LRP5: variants seen among roughly 807,000 people sequenced by gnomAD.
The protein encoded by LRP5 is LDL receptor related protein 5.
A neutral mutation model predicts 154.1 loss-of-function variants in LRP5; 62 were observed. The ratio of observed to expected loss-of-function variants is 0.40; its 90% CI spans 0.33 to 0.50. The LOEUF (loss-of-function observed/expected upper bound fraction) is 0.50, where lower values mean the gene tolerates loss of function less well. Among genes scored for constraint, LRP5 ranks in the 20% least tolerant of loss-of-function variants. LRP5 has a pLI of 0.55. For missense variants in LRP5, 1,915 were observed against 2,336.7 expected, an observed-to-expected ratio of 0.82 and a Z score of 3.72; for synonymous variants, 966 against 1,011.5, an observed-to-expected ratio of 0.96 and a Z score of 0.85.
At chr11:68,429,997 G>C (rs2098671032) in intron 17 of LRP5, among the ~76,000 whole-genome samples, 2 of 152,174 alleles carry the variant, frequency 1.3e-5, no homozygotes, top group South Asian at 4.1e-4. Context: ...GTGTTATTTA[G>C]AAGTGTTGCT....
intron 3 of LRP5, among the ~76,000 whole-genome samples, chr11:68,363,494 TAA>T (rs777079220): frequency 1.3e-5 from 2 of 151,962 alleles, no homozygotes; most frequent in Non-Finnish European, 2.9e-5. Context: ...CTGTCTCTAC[TAA>T]AAATACAAAA....
intron 8 of LRP5, 122 bp downstream of exon 8, chr11:68,403,821 C>A: frequency 2.6e-6 from 3 of 1,171,684 alleles, no homozygotes; most frequent in Non-Finnish European, 3.7e-6. Flanking sequence ...AAGGGCAGGA[C>A]AGGAAAGGTG....
At chr11:68,347,096 G>T (rs60487218) in intron 1 of LRP5, among the ~76,000 whole-genome samples, 1,823 of 152,320 alleles carry the variant, frequency 0.012, 37 homozygotes, top group African/African-American at 0.04. Flanking sequence ...GTGGAGAGAA[G>T]TGTAGGTGAG....
chr11:68,325,124 C>CAAGG (rs1350634604), intron 1 of LRP5, among the ~76,000 whole-genome samples: 1 of 152,204 alleles, frequency 6.6e-6, no homozygotes, highest in Non-Finnish European at 1.5e-5. Flanking sequence ...AGCCCCTGAC[C>CAAGG]AAGGCCCTTC....
At chr11:68,318,167 G>C (rs1292481816) in intron 1 of LRP5, among the ~76,000 whole-genome samples, 1 of 151,040 alleles carries the variant, frequency 6.6e-6, no homozygotes, top group East Asian at 1.9e-4. Context: ...CCTTTCTCCT[G>C]CCTCAGCCTC....
Position 68,363,952 on chromosome 11 carries a change from C to A in LRP5, c.883+9C>A. On this transcript the variant is annotated intron_variant, in intron 4 of 22. Transcript: ENST00000294304. ...GGAGCGGCAGCCTTTCTGTGAGTGC[C>A]GGCTGGGGCGCGGGGGCGAGGGTGC... The A allele has an allele frequency of 7.1e-7, 1 of 1,415,176 alleles. No individual in the cohort carries two copies. Among genetic ancestry groups the A allele is most frequent in the South Asian group, 1.2e-5 (1 of 86,666 alleles). The allele number at this position is 1,415,176 out of a possible 1,614,324, so 87.7% of individuals were successfully genotyped here.
the LRP5 span, among the ~76,000 whole-genome samples, chr11:68,298,591 T>C: frequency 6.6e-6 from 1 of 152,196 alleles, no homozygotes; most frequent in African/African-American, 2.4e-5. Flanking sequence ...ACTGCGCCAA[T>C]GCCCCGGCAT....
At chr11:68,336,937 C>T (rs1203760268) in intron 1 of LRP5, among the ~76,000 whole-genome samples, 1 of 152,244 alleles carries the variant, frequency 6.6e-6, no homozygotes, top group African/African-American at 2.4e-5. Context: ...ACTTTCTTGA[C>T]CACAAACAAT....
chr11:68,448,775 C>A (rs1463841170), intron 22 of LRP5, 34 bp from the exon 23 acceptor site: 1 of 1,600,300 alleles, frequency 6.2e-7, no homozygotes, highest in Non-Finnish European at 8.5e-7. Context: ...GATGTGCCTA[C>A]CGAATCCCAC....
chr11:68,352,416 A>G (rs1490159223), intron 2 of LRP5, among the ~76,000 whole-genome samples: 1 of 152,244 alleles, frequency 6.6e-6, no homozygotes, highest in African/African-American at 2.4e-5. Context: ...AGCTGTCGTT[A>G]TAATAAAAAT....
intron 3 of LRP5, among the ~76,000 whole-genome samples, chr11:68,358,507 G>T: frequency 6.6e-6 from 1 of 152,146 alleles, no homozygotes; most frequent in East Asian, 1.9e-4. Flanking sequence ...AGGGCTTATG[G>T]CCCGGCAGGG....
intron 7 of LRP5, among the ~76,000 whole-genome samples, chr11:68,392,143 G>A (rs932298870): frequency 1.5e-4 from 23 of 152,154 alleles, no homozygotes; most frequent in African/African-American, 4.1e-4. Flanking sequence ...GCCGTCACAC[G>A]CAGCTCAATG....
intron 5 of LRP5, among the ~76,000 whole-genome samples, chr11:68,367,001 T>TGGGGGG (rs2098631459): frequency 1.4e-4 from 1 of 7,178 alleles, no homozygotes; most frequent in Non-Finnish European, 2.7e-4. Flanking sequence ...GCTCTGGGGC[T>TGGGGGG]GGGTGGGTGG....
chr11:68,388,064 G>A (rs941967544), intron 6 of LRP5, among the ~76,000 whole-genome samples: 3 of 152,070 alleles, frequency 2.0e-5, no homozygotes, highest in Admixed American at 6.6e-5. Context: ...CAGGCAGCGG[G>A]AGCACAGCAG....
chr11:68,397,508 G>A (rs1312863656), intron 7 of LRP5, among the ~76,000 whole-genome samples: 1 of 152,152 alleles, frequency 6.6e-6, no homozygotes, highest in Non-Finnish European at 1.5e-5. Context: ...CCATGGTGGG[G>A]ACATCCTGCT....
At chr11:68,427,178 C>T (rs1282306967) in intron 16 of LRP5, among the ~76,000 whole-genome samples, 2 of 152,206 alleles carry the variant, frequency 1.3e-5, no homozygotes, top group Admixed American at 1.3e-4. Flanking sequence ...CACATAAGGT[C>T]ATGACGCCGT....
Position 68,447,585 on chromosome 11 carries a change from C to T in LRP5, c.4586+1052C>T, listed in dbSNP as rs1423946007. The stretch of plus-strand genomic sequence containing the variant: ...ACATCCACACTGGGCAGCCCAGTCT[C>T]GCTAGTTCCTCGTCCCACCTCCTGC... On this transcript the variant is annotated intron_variant, in intron 22 of 22. Transcript: ENST00000294304. This position sits in a 1 kb window ranked among gnomAD's most constrained non-coding sequence, Gnocchi z 4.3. Among the ~76,000 whole-genome samples the T allele has an allele frequency of 6.6e-6, 1 of 152,174 alleles. No homozygotes were observed. Among genetic ancestry groups the T allele is most frequent in the Admixed American group, 6.5e-5 (1 of 15,274 alleles).
chr11:68,439,418 CA>C (rs1207744573), intron 20 of LRP5, among the ~76,000 whole-genome samples: 1 of 152,190 alleles, frequency 6.6e-6, no homozygotes, highest in African/African-American at 2.4e-5. Flanking sequence ...TCTGGCTTCT[CA>C]AGAGCTCCTA....
At chr11:68,319,083 T>G (rs1023814807) in intron 1 of LRP5, among the ~76,000 whole-genome samples, 5 of 148,974 alleles carry the variant, frequency 3.4e-5, no homozygotes, top group African/African-American at 9.8e-5. Flanking sequence ...TTTTTTTTTT[T>G]TTTTTTTTTT....
Sources: allele counts gnomAD v4.1 joint callset (sites outside exome capture counted in the v4.1 genomes callset), GRCh38; gene constraint gnomAD v4.1.1; non-coding constraint Gnocchi (gnomAD v3.1); transcripts MANE v1.5; gene names NCBI Gene and HGNC (gene_info 2026-07-23, HGNC 2026-07-21).